Variants in TYW1 observed in about 807,000 individuals in gnomAD.
TYW1 encodes the protein tRNA-yW synthesizing protein 1 homolog.
In TYW1, 46 loss-of-function variants were observed where a neutral mutation model predicts 96.2. That is an observed-to-expected ratio of 0.48 (90% CI 0.38 to 0.61). The LOEUF (loss-of-function observed/expected upper bound fraction) is 0.61. TYW1 is among the 20% of genes least tolerant of loss of function. The pLI is 0.00. For synonymous variants in TYW1, 274 were observed against 323.0 expected, an observed-to-expected ratio of 0.85 and a Z score of 1.63; for missense variants, 684 against 909.6, an observed-to-expected ratio of 0.75 and a Z score of 3.19.
intron 8 of TYW1, among the ~76,000 whole-genome samples, chr7:67,054,429 A>T (rs1301516881): frequency 6.6e-6 from 1 of 152,170 alleles, no homozygotes; most frequent in Admixed American, 6.5e-5. Context: ...TCCTCTGGGG[A>T]TCTTTTAAAT....
chr7:67,081,483 T>C (rs1796391348), intron 10 of TYW1, among the ~76,000 whole-genome samples: 1 of 151,330 alleles, frequency 6.6e-6, no homozygotes, highest in Non-Finnish European at 1.5e-5. Flanking sequence ...TGAATGTCCA[T>C]ATCTCTCCCC....
chr7:67,137,288 T>A (rs1221872933), intron 13 of TYW1, among the ~76,000 whole-genome samples: 1 of 151,996 alleles, frequency 6.6e-6, no homozygotes, highest in Non-Finnish European at 1.5e-5. Context: ...CTCTTTTTAT[T>A]CTAAGGCTAG....
chr7:67,210,760 G>GTCCA (rs1800979288), intron 15 of TYW1, among the ~76,000 whole-genome samples: 2 of 87,298 alleles, frequency 2.3e-5, no homozygotes, highest in East Asian at 2.2e-4. Flanking sequence ...TCTGTCGTCT[G>GTCCA]TCCGTCCATC....
chr7:67,018,524 G>C (rs911940186), intron 6 of TYW1, among the ~76,000 whole-genome samples: 2 of 151,960 alleles, frequency 1.3e-5, no homozygotes, highest in Admixed American at 6.6e-5. Flanking sequence ...CTGGGCAACA[G>C]AGTGAGACCC....
intron 7 of TYW1, among the ~76,000 whole-genome samples, chr7:67,049,146 A>G (rs1795281328): frequency 6.6e-6 from 1 of 152,228 alleles, no homozygotes; most frequent in Non-Finnish European, 1.5e-5. Flanking sequence ...TTAGAGATGT[A>G]ATACCAGCAG....
At chr7:67,062,577 A>AAAAAAAAAAAGAAAG in intron 9 of TYW1, among the ~76,000 whole-genome samples, 1 of 147,234 alleles carries the variant, frequency 6.8e-6, no homozygotes, top group South Asian at 2.1e-4. Flanking sequence ...AAAAAAAAAA[A>AAAAAAAAAAAGAAAG]AAAAGAAAAG....
chr7:67,131,271 A>G (rs1245004516), intron 13 of TYW1, among the ~76,000 whole-genome samples: 1 of 152,172 alleles, frequency 6.6e-6, no homozygotes. Flanking sequence ...AAACACCTAG[A>G]AACATTACAG....
chr7:67,175,462 C>T (rs1174654229), intron 13 of TYW1, among the ~76,000 whole-genome samples: 2 of 152,118 alleles, frequency 1.3e-5, no homozygotes, highest in South Asian at 2.1e-4. Context: ...TAAGCCACTG[C>T]GTCCAGCCAG....
intron 10 of TYW1, among the ~76,000 whole-genome samples, chr7:67,069,356 A>G (rs760363144): frequency 6.6e-6 from 1 of 152,202 alleles, no homozygotes; most frequent in Non-Finnish European, 1.5e-5. Flanking sequence ...ACAACTTTAT[A>G]TACTGTATGC....
chr7:67,010,308 TA>T (rs1410807006), intron 4 of TYW1, among the ~76,000 whole-genome samples: 1 of 151,802 alleles, frequency 6.6e-6, no homozygotes, highest in Non-Finnish European at 1.5e-5. Context: ...CTACTATTTT[TA>T]TTTTTTTAAA....
At position 67,036,200 on chromosome 7, in the gene TYW1, C is replaced by A. The variant is rs1348506562; in HGVS notation, c.984+11178C>A. Among the ~76,000 whole-genome samples the A allele has an allele frequency of 2.0e-5, 3 of 150,216 alleles. 1 individual carries two copies. The highest frequency in any genetic ancestry group is 4.5e-5 in the Non-Finnish European group (3 of 67,292). On this transcript the variant is annotated intron_variant, in intron 7 of 15. Transcript: ENST00000359626. ...CAGGGAATAGACATTTGTTCCAACTCCCCCTCCCTCCCCAAGGTTTCTTCG... is the reference window on the plus strand; with the variant it reads ...CAGGGAATAGACATTTGTTCCAACTACCCCTCCCTCCCCAAGGTTTCTTCG...
At chr7:67,047,543 C>A (rs1176562222) in intron 7 of TYW1, among the ~76,000 whole-genome samples, 1 of 151,920 alleles carries the variant, frequency 6.6e-6, no homozygotes, top group African/African-American at 2.4e-5. Flanking sequence ...TAATTAAGAA[C>A]CCTATTACTG....
At chr7:67,164,338 T>C (rs1799256517) in intron 13 of TYW1, among the ~76,000 whole-genome samples, 1 of 152,108 alleles carries the variant, frequency 6.6e-6, no homozygotes, top group African/African-American at 2.4e-5. Context: ...AGCCAGGTGT[T>C]ATAGCTAATG....
At chr7:67,127,034 CTTG>C (rs148096624) in intron 13 of TYW1, among the ~76,000 whole-genome samples, 6,120 of 151,684 alleles carry the variant, frequency 0.04, 177 homozygotes, top group Middle Eastern at 0.1. Context: ...TCATACTTCA[CTTG>C]TTGTTTTTTT....
intron 13 of TYW1, among the ~76,000 whole-genome samples, chr7:67,154,006 C>CA (rs1459359248): frequency 2.0e-5 from 3 of 148,266 alleles, no homozygotes; most frequent in African/African-American, 7.4e-5. Context: ...TAGCTTACTG[C>CA]AAGTTCTGCC....
chr7:67,193,889 G>T (rs1269992255), intron 14 of TYW1, among the ~76,000 whole-genome samples: 1 of 151,620 alleles, frequency 6.6e-6, no homozygotes, highest in East Asian at 1.9e-4. Flanking sequence ...TGTGTATGAG[G>T]GGTGCACATG....
chr7:67,077,187 A>G (rs543824484), intron 10 of TYW1, among the ~76,000 whole-genome samples: 1 of 152,352 alleles, frequency 6.6e-6, no homozygotes, highest in African/African-American at 2.4e-5. Flanking sequence ...GGTGATTGTG[A>G]ATAGTGCTGC....
At chr7:67,102,818 A>AT (rs1200647826) in intron 12 of TYW1, among the ~76,000 whole-genome samples, 1 of 151,834 alleles carries the variant, frequency 6.6e-6, no homozygotes, top group Non-Finnish European at 1.5e-5. Flanking sequence ...CACCCAGCTA[A>AT]TTTTTTGTAT....
intron 13 of TYW1, among the ~76,000 whole-genome samples, chr7:67,145,841 G>A (rs563097927): frequency 6.3e-4 from 96 of 152,230 alleles, no homozygotes; most frequent in African/African-American, 2.1e-3. Flanking sequence ...TGCAGCCTCT[G>A]CCTCCTGGGC....
Sources: allele counts gnomAD v4.1 joint callset (sites outside exome capture counted in the v4.1 genomes callset), GRCh38; gene constraint gnomAD v4.1.1; transcripts MANE v1.5; gene names NCBI Gene and HGNC (gene_info 2026-07-23, HGNC 2026-07-21).